EYA4: variants seen among roughly 807,000 people sequenced by gnomAD.
EYA4 encodes protein phosphatase EYA4.
Under a neutral mutation model 87.9 loss-of-function variants are expected in EYA4, and 31 were observed. The observed-to-expected ratio is 0.35, with a 90% CI of 0.27 to 0.48. EYA4 has a LOEUF of 0.48. Among genes scored for constraint, EYA4 ranks in the 20% least tolerant of loss-of-function variants. The probability of loss-of-function intolerance (pLI) is 0.99; values close to 1 mark genes in which losing one functional copy is unlikely to be tolerated. For missense variants in EYA4, 678 were observed against 761.4 expected, an observed-to-expected ratio of 0.89 and a Z score of 1.29; for synonymous variants, 263 against 270.6, an observed-to-expected ratio of 0.97 and a Z score of 0.28.
intron 2 of EYA4, among the ~76,000 whole-genome samples, chr6:133,371,862 C>A (rs1309185024): frequency 2.6e-5 from 4 of 152,024 alleles, no homozygotes; most frequent in Non-Finnish European, 5.9e-5. Flanking sequence ...GAACCAGCTC[C>A]CAGAAAGCCA....
rs1363400539 is a variant in EYA4, at chr6:133,506,167, A to G, written c.1253A>G (p.Asp418Gly). The G allele has an allele frequency of 1.4e-5, 22 of 1,608,234 alleles. No homozygotes were observed. Among genetic ancestry groups the G allele is most frequent in the Non-Finnish European group, 1.9e-5 (22 of 1,174,912 alleles). The change falls in exon 14 of 20, where the codon GAT becomes GGT. Residue 418 changes from aspartate (D) to glycine (G), a missense_variant. By Grantham distance (94) the Asp-to-Gly change is moderately conservative (BLOSUM62 -1). Transcript: ENST00000355286. ...RMEEMIFNLADTHLFFNDLEE... is the reference protein window; with the variant it reads ...RMEEMIFNLAGTHLFFNDLEE... ...GAAGAAATGATTTTTAATCTTGCTG[A>G]TACTCATTTGTTTTTTAATGATTTA...
chr6:133,396,893 G>A (rs1163469296), intron 3 of EYA4, among the ~76,000 whole-genome samples: 1 of 152,116 alleles, frequency 6.6e-6, no homozygotes, highest in East Asian at 1.9e-4. Flanking sequence ...CAGTCACAGT[G>A]AGAACCCCAA....
chr6:133,254,913 ATTTG>A (rs1254285733), intron 1 of EYA4, among the ~76,000 whole-genome samples: 6 of 152,076 alleles, frequency 3.9e-5, no homozygotes, highest in Non-Finnish European at 8.8e-5. Flanking sequence ...CTTTATTTTT[ATTTG>A]TTTGTTTCTG....
rs534599415 is a variant in EYA4 at position 133,440,809 on chromosome 6, G to A, written c.84-5821G>A. Among the ~76,000 whole-genome samples, 15 of 152,296 alleles carry A rather than the reference G, an allele frequency of 9.8e-5. No homozygotes were observed. The South Asian group carries it at 2.9e-3, about 29-fold the overall frequency. The stretch of plus-strand genomic sequence containing the variant: ...TGGAGAGTTGTGAATGTCTGGGTAA[G>A]GCATTGGGACAGGATAGTACTGATT... On this transcript the variant is annotated intron_variant, in intron 3 of 19. Coordinates refer to ENST00000355286, the MANE Select transcript of EYA4 (RefSeq NM_004100.5).
chr6:133,255,337 GAC>G (rs1352436789), intron 1 of EYA4, among the ~76,000 whole-genome samples: 2 of 152,072 alleles, frequency 1.3e-5, no homozygotes, highest in Non-Finnish European at 2.9e-5. Context: ...TGAGAGGAAT[GAC>G]CAGAGGGAGC....
At chr6:133,476,534 T>C (rs1051298201) in intron 11 of EYA4, among the ~76,000 whole-genome samples, 3 of 152,122 alleles carry the variant, frequency 2.0e-5, no homozygotes, top group Non-Finnish European at 4.4e-5. Flanking sequence ...CTTATTTCAC[T>C]TAACATAATG....
At chr6:133,372,855 G>A (rs1562343572) in intron 2 of EYA4, among the ~76,000 whole-genome samples, 1 of 151,666 alleles carries the variant, frequency 6.6e-6, no homozygotes, top group Non-Finnish European at 1.5e-5. Context: ...TGTTTTTAAA[G>A]TTAAAGAATT....
At chr6:133,320,638 A>G (rs1229509172) in intron 2 of EYA4, among the ~76,000 whole-genome samples, 1 of 152,134 alleles carries the variant, frequency 6.6e-6, no homozygotes, top group Admixed American at 6.6e-5. Flanking sequence ...AACAGTGAAC[A>G]TTGAACCTAA....
chr6:133,367,344 A>G (rs920119119), intron 2 of EYA4, among the ~76,000 whole-genome samples: 1 of 152,236 alleles, frequency 6.6e-6, no homozygotes, highest in Non-Finnish European at 1.5e-5. Flanking sequence ...GGGAGTAGAC[A>G]AAGTAAATGT....
At chr6:133,487,174 C>A (rs902649870) in intron 13 of EYA4, among the ~76,000 whole-genome samples, 1 of 152,168 alleles carries the variant, frequency 6.6e-6, no homozygotes, top group Non-Finnish European at 1.5e-5. Context: ...TTAGCCAACA[C>A]CCATGGAGGG....
chr6:133,491,598 A>G (rs1196507767), intron 13 of EYA4, among the ~76,000 whole-genome samples: 1 of 152,152 alleles, frequency 6.6e-6, no homozygotes, highest in East Asian at 1.9e-4. Flanking sequence ...AGATTGAATC[A>G]TGAAGAAGTC....
intron 2 of EYA4, among the ~76,000 whole-genome samples, chr6:133,324,904 A>AT (rs756478373): frequency 0.24 from 19,986 of 83,440 alleles, 4,063 homozygotes; most frequent in East Asian, 0.44. Context: ...TTCAGAAGCT[A>AT]TTTTTTTTTT....
At chr6:133,520,791 G>A (rs576830311) in intron 17 of EYA4, among the ~76,000 whole-genome samples, 2 of 152,176 alleles carry the variant, frequency 1.3e-5, no homozygotes, top group Admixed American at 6.5e-5. Flanking sequence ...ACAGAACAGC[G>A]CCCTCAGAAA....
chr6:133,455,951 T>C (rs1793866843), intron 5 of EYA4, among the ~76,000 whole-genome samples: 1 of 152,184 alleles, frequency 6.6e-6, no homozygotes, highest in South Asian at 2.1e-4. Context: ...GTGTACTTGC[T>C]GCTGTAGAAG....
chr6:133,429,277 G>A (rs1239359142), intron 3 of EYA4, among the ~76,000 whole-genome samples: 2 of 152,000 alleles, frequency 1.3e-5, no homozygotes, highest in Non-Finnish European at 2.9e-5. Flanking sequence ...GTGAATACCT[G>A]AATAAAAATT....
chr6:133,476,903 G>A (rs113282799), intron 11 of EYA4, among the ~76,000 whole-genome samples: 13,584 of 152,078 alleles, frequency 0.089, 1,188 homozygotes, highest in African/African-American at 0.21. Flanking sequence ...ATGCCCATGT[G>A]TCAAGGGAGA....
In EYA4 at chr6:133,528,941, T is replaced by C; in HGVS notation, c.*136T>C. ...CATATTTGGAATAAAAATTCCAGAA[T>C]GAAGAATTCAGATTGCTGAATGGAG... On this transcript the variant is annotated 3_prime_UTR_variant, in exon 20 of 20. Coordinates refer to ENST00000355286, the MANE Select transcript of EYA4 (RefSeq NM_004100.5). The C allele has an allele frequency of 6.5e-7, 1 of 1,542,654 alleles. No homozygotes were observed. The highest frequency in any genetic ancestry group is 2.4e-5 in the East Asian group (1 of 41,634).
chr6:133,400,024 CA>C (rs2128512088), intron 3 of EYA4, among the ~76,000 whole-genome samples: 2 of 152,278 alleles, frequency 1.3e-5, no homozygotes, highest in South Asian at 4.1e-4. Flanking sequence ...TCTCTGACAT[CA>C]CTTGATTTTT....
intron 5 of EYA4, among the ~76,000 whole-genome samples, chr6:133,456,202 G>T (rs1209859015): frequency 6.6e-6 from 1 of 151,954 alleles, no homozygotes; most frequent in African/African-American, 2.4e-5. Context: ...AAATTTCTTT[G>T]GTATAATTTT....
Sources: gnomAD v4.1 joint callset for allele counts (sites outside exome capture counted in the v4.1 genomes callset) on GRCh38, gnomAD v4.1.1 for gene constraint, MANE v1.5 for transcripts, NCBI Gene and HGNC (gene_info 2026-07-23, HGNC 2026-07-21) for gene names.